The following INO80 variants were observed in gnomAD, a reference collection of about 807,000 sequenced individuals.
INO80 encodes the protein INO80 complex ATPase subunit.
A neutral mutation model predicts 203.4 loss-of-function variants in INO80; 20 were observed. The observed-to-expected ratio is 0.10, with a 90% CI of 0.07 to 0.14. INO80 has a LOEUF of 0.14. Ranked by LOEUF, INO80 falls within the 10% of genes least tolerant of loss-of-function variation. The pLI is 1.00. For synonymous variants in INO80, 726 were observed against 685.2 expected (o/e 1.06, Z -0.93); for missense variants, 1,419 against 1,914.4 (o/e 0.74, Z 4.83).
At chr15:41,052,976 T>C (rs2044909501) in intron 19 of INO80, among the ~76,000 whole-genome samples, 3 of 151,948 alleles carry the variant, frequency 2.0e-5, no homozygotes. Flanking sequence ...AAGGCAACAG[T>C]AAGCCAAGAT....
intron 26 of INO80, chr15:41,017,377 A>G (rs909259396): frequency 2.3e-4 from 35 of 152,328 alleles, no homozygotes; most frequent in African/African-American, 8.4e-4. Flanking sequence ...GGGTAAGAGT[A>G]TATGTGGAAG....
chr15:41,072,296 C>T (rs1209664390), intron 11 of INO80, among the ~76,000 whole-genome samples: 3 of 151,934 alleles, frequency 2.0e-5, no homozygotes, highest in East Asian at 1.9e-4. Flanking sequence ...ATTCGTCTAT[C>T]TTTGACTTAC....
At chr15:41,044,684 T>G (rs1267769026) in intron 24 of INO80, among the ~76,000 whole-genome samples, 1 of 109,066 alleles carries the variant, frequency 9.2e-6, no homozygotes, top group East Asian at 2.9e-4. Flanking sequence ...ATCTGTGTAC[T>G]TCACAGTATT....
Position 41,073,425 on chromosome 15 carries a change from C to T in INO80, c.1395+3G>A. 6.2e-7 allele frequency: 1 copy of T among 1,613,330 alleles called. No individual in the cohort carries two copies. Among genetic ancestry groups the T allele is most frequent in the East Asian group, 2.2e-5 (1 of 44,876 alleles). ...CAGTAAACCTTTCTATCTGAAGACT[C>T]ACCCGAGCTTGGTGAATATGGTAAG... On this transcript the variant is annotated splice_donor_region_variant and intron_variant, in intron 11 of 35. Coordinates refer to ENST00000648947, the MANE Select transcript of INO80 (RefSeq NM_017553.3).
intron 6 of INO80, 90 bp downstream of exon 6, chr15:41,087,472 C>T (rs2045579244): frequency 7.4e-7 from 1 of 1,347,612 alleles, no homozygotes; most frequent in Non-Finnish European, 1.0e-6. Flanking sequence ...ACCATATGGA[C>T]TTATATATAA....
intron 10 of INO80, 136 bp downstream of exon 10, chr15:41,074,234 A>G: frequency 2.0e-6 from 1 of 510,944 alleles, no homozygotes; most frequent in African/African-American, 2.0e-5. Flanking sequence ...CACTTTCCCT[A>G]CTCCAGTACA....
At chr15:41,084,324 C>T (rs138534467) in intron 7 of INO80, among the ~76,000 whole-genome samples, 4 of 152,078 alleles carry the variant, frequency 2.6e-5, no homozygotes, top group African/African-American at 4.8e-5. Flanking sequence ...CTTTATGAGG[C>T]GGAGCCAGGC....
At chr15:41,000,395 A>G (rs1240009357) in intron 28 of INO80, among the ~76,000 whole-genome samples, 1 of 152,076 alleles carries the variant, frequency 6.6e-6, no homozygotes. Flanking sequence ...TATTAGAAGC[A>G]AAAAGATAAG....
chr15:41,060,984 AGAG>A (rs1274993676), intron 14 of INO80, among the ~76,000 whole-genome samples: 3 of 152,224 alleles, frequency 2.0e-5, no homozygotes, highest in Admixed American at 1.3e-4. Flanking sequence ...TAACGTACAC[AGAG>A]GAGATTAAAA....
chr15:41,070,943 C>T (rs1053187154), intron 12 of INO80, among the ~76,000 whole-genome samples: 9 of 152,192 alleles, frequency 5.9e-5, no homozygotes, highest in Non-Finnish European at 1.3e-4. Context: ...CCGAGGCAGG[C>T]ATATCGCATG....
intron 27 of INO80, among the ~76,000 whole-genome samples, chr15:41,012,437 G>A (rs944659087): frequency 1.3e-5 from 2 of 151,722 alleles, no homozygotes; most frequent in African/African-American, 2.4e-5. Flanking sequence ...GTGGTGATGC[G>A]CGCCTGAAAT....
chr15:41,071,960 A>G lies in INO80; in HGVS notation c.1494T>C (p.Ala498=), dbSNP rs2045325294. The G allele has an allele frequency of 6.2e-7, 1 of 1,613,994 alleles. No individual in the cohort carries two copies. The highest frequency in any genetic ancestry group is 1.3e-5 in the African/African-American group (1 of 75,026). The change falls in exon 12 of 36, where the codon GCT becomes GCC. Residue 498 remains alanine, a synonymous_variant. Transcript: ENST00000648947. ...CCTCACCAGCCCGGATAGATGGGTT[A>G]GCCAGGCTATAACTCTCCCCAAACC... The part of the protein sequence containing the change: ...GTGFGESYSL[A]NPSIRAGEDI...
At chr15:41,083,085 A>T (rs2045508698) in intron 7 of INO80, among the ~76,000 whole-genome samples, 1 of 152,040 alleles carries the variant, frequency 6.6e-6, no homozygotes, top group South Asian at 2.1e-4. Flanking sequence ...GATCGAGACC[A>T]GCCTGGCTAA....
At chr15:41,063,454 A>G (rs2045150696) in intron 14 of INO80, among the ~76,000 whole-genome samples, 1 of 152,126 alleles carries the variant, frequency 6.6e-6, no homozygotes, top group South Asian at 2.1e-4. Flanking sequence ...CATTAAAAGC[A>G]CAAATATTCC....
chr15:41,071,774 A>G (rs1463055239), intron 12 of INO80, 75 bp downstream of exon 12: 6 of 1,361,780 alleles, frequency 4.4e-6, no homozygotes, highest in Admixed American at 1.8e-5. Context: ...TCTTGTACTC[A>G]TTTCACAATC....
At chr15:40,983,435 C>T (rs1454352030) in intron 34 of INO80, among the ~76,000 whole-genome samples, 1 of 152,114 alleles carries the variant, frequency 6.6e-6, no homozygotes, top group African/African-American at 2.4e-5. Flanking sequence ...ATTTTACCCT[C>T]GAGTTTTGAA....
chr15:41,059,495 C>T (rs1268059670), intron 15 of INO80, among the ~76,000 whole-genome samples: 2 of 149,930 alleles, frequency 1.3e-5, no homozygotes, highest in Non-Finnish European at 3.0e-5. Flanking sequence ...CATGGTGTAG[C>T]GAGCCTATAG....
At chr15:41,103,043 GT>G (rs1395081484) in intron 1 of INO80, among the ~76,000 whole-genome samples, 3 of 152,092 alleles carry the variant, frequency 2.0e-5, no homozygotes, top group African/African-American at 7.2e-5. Flanking sequence ...CTTTCTAGAT[GT>G]TTTCTAGCCC....
intron 14 of INO80, among the ~76,000 whole-genome samples, chr15:41,062,027 C>A (rs1212872665): frequency 6.6e-6 from 1 of 151,628 alleles, no homozygotes; most frequent in Non-Finnish European, 1.5e-5. Context: ...AAATTTCAGC[C>A]AAATGGAAGC....
Sources: allele counts gnomAD v4.1 joint callset (sites outside exome capture counted in the v4.1 genomes callset), GRCh38; gene constraint gnomAD v4.1.1; transcripts MANE v1.5; gene names NCBI Gene and HGNC (gene_info 2026-07-23, HGNC 2026-07-21).